PSMD11: variants seen among roughly 807,000 people sequenced by gnomAD.
PSMD11 encodes 26S proteasome non-ATPase regulatory subunit 11.
PSMD11 carries 5 observed loss-of-function variants against 62.3 expected under a neutral mutation model. The ratio of observed to expected loss-of-function variants is 0.08; its 90% CI spans 0.04 to 0.17. The LOEUF (loss-of-function observed/expected upper bound fraction) is 0.17. Among genes scored for constraint, PSMD11 ranks in the 10% least tolerant of loss-of-function variants. The pLI is 1.00. For missense variants in PSMD11, 310 were observed against 512.9 expected (o/e 0.60, Z 3.82); for synonymous variants, 191 against 191.8 (o/e 1.00, Z 0.03).
At chr17:32,450,513 C>T (rs1164238835) in intron 2 of PSMD11, among the ~76,000 whole-genome samples, 2 of 151,548 alleles carry the variant, frequency 1.3e-5, no homozygotes, top group Non-Finnish European at 2.9e-5. Context: ...GTGATCCACC[C>T]GCCTTGGCCT....
chr17:32,476,150 C>G (rs1337691177), intron 8 of PSMD11, among the ~76,000 whole-genome samples: 1 of 151,998 alleles, frequency 6.6e-6, no homozygotes, highest in African/African-American at 2.4e-5. Context: ...TGGCTGTAAT[C>G]CCAGCTACTC....
At chr17:32,447,712 T>G (rs2150827759) in intron 2 of PSMD11, among the ~76,000 whole-genome samples, 1 of 152,214 alleles carries the variant, frequency 6.6e-6, no homozygotes. Context: ...CTTAAATGGG[T>G]GATTTTTGTC....
intron 3 of PSMD11, among the ~76,000 whole-genome samples, chr17:32,457,320 C>A (rs1227488884): frequency 6.6e-6 from 1 of 152,136 alleles, no homozygotes; most frequent in Non-Finnish European, 1.5e-5. Context: ...TCACTGCAGC[C>A]TCAACCTCCT....
chr17:32,475,096 T>C (rs1210793307), intron 8 of PSMD11, among the ~76,000 whole-genome samples: 1 of 152,212 alleles, frequency 6.6e-6, no homozygotes, highest in Non-Finnish European at 1.5e-5. Context: ...AGTTTGCATT[T>C]GGCTTTGACC....
chr17:32,482,045 T>G lies in PSMD11; in HGVS notation c.*1293T>G, dbSNP rs1464873114. 6.6e-6 allele frequency: 1 copy of G among 152,116 alleles called. No individual in the cohort carries two copies. The highest frequency in any genetic ancestry group is 1.5e-5 in the Non-Finnish European group (1 of 68,026). The allele number at this position is 152,116 out of a possible 1,614,324, so 9.4% of individuals were successfully genotyped here. ...TCTTCTCTCATCTCCTCTTTGTCTTTTTCTCTTTTCCTCTCCTTCCTGCCT... is the reference window on the plus strand; with the variant it reads ...TCTTCTCTCATCTCCTCTTTGTCTTGTTCTCTTTTCCTCTCCTTCCTGCCT... On this transcript the variant is annotated 3_prime_UTR_variant, in exon 14 of 14. Coordinates refer to ENST00000261712, the MANE Select transcript of PSMD11 (RefSeq NM_002815.4).
chr17:32,457,975 A>G (rs1907700143), intron 3 of PSMD11, among the ~76,000 whole-genome samples: 1 of 151,666 alleles, frequency 6.6e-6, no homozygotes, highest in South Asian at 2.1e-4. Context: ...TAATTTTTGT[A>G]TTTTTAGTAG....
At chr17:32,479,144 T>C (rs2150840773) in intron 9 of PSMD11, 107 bp from the exon 10 acceptor site, 1 of 1,412,732 alleles carries the variant, frequency 7.1e-7, no homozygotes, top group Non-Finnish European at 9.6e-7. Context: ...CCTAACTTCA[T>C]TCAACCATGT....
chr17:32,459,968 A>ACAAGCAATAGAC (rs1405962955), intron 3 of PSMD11, among the ~76,000 whole-genome samples: 1 of 152,016 alleles, frequency 6.6e-6, no homozygotes, highest in Non-Finnish European at 1.5e-5. Flanking sequence ...GGGTGTTGGG[A>ACAAGCAATAGAC]AAGAATAGAC....
Position 32,454,513 on chromosome 17 carries a change from A to G in PSMD11, c.212A>G (p.Lys71Arg). ...CCTACAGAGCTTGGAGGACTCCTGA[A>G]GTATGTACGACCCTTCTTGAATTCC... ...GQAAELGGLL[K>R]YVRPFLNSIS... Residue 71 changes from lysine to arginine, a missense_variant, in exon 3 of 14, where the codon AAG becomes AGG. Physicochemically the swap from Lys to Arg is conservative, Grantham distance 26 (BLOSUM62 2). This residue lies in a region of PSMD11 where 50 missense variants were observed against 94.4 expected (regional missense o/e 0.53). Transcript: ENST00000261712. 1.2e-6 allele frequency: 2 copies of G among 1,613,884 alleles called. No individual in the cohort carries two copies. Among genetic ancestry groups the G allele is most frequent in the Non-Finnish European group, 1.7e-6 (2 of 1,179,840 alleles).
chr17:32,474,079 A>G lies in PSMD11; in HGVS notation c.788+134A>G, dbSNP rs2150838706. 3 of 1,079,872 alleles carry G rather than the reference A, an allele frequency of 2.8e-6. No homozygotes were observed. The East Asian group carries it at 7.2e-5, about 26-fold the overall frequency. The allele number at this position is 1,079,872 out of a possible 1,614,324, so 66.9% of individuals were successfully genotyped here. ...GCAGCTGCGGCCTCTAGGGCTGGCT[A>G]AGGTAGAGCGGGAGGATCAAAAGTG... On this transcript the variant is annotated intron_variant, in intron 7 of 13. Transcript: ENST00000261712.
At chr17:32,463,393 A>C (rs1422080201) in intron 3 of PSMD11, 1 of 152,124 alleles carries the variant, frequency 6.6e-6, no homozygotes, top group East Asian at 1.9e-4. Context: ...GTCAAAGTGC[A>C]GTAGTGAGAA....
intron 3 of PSMD11, among the ~76,000 whole-genome samples, chr17:32,460,712 G>T (rs956592804): frequency 2.0e-5 from 3 of 150,382 alleles, no homozygotes; most frequent in African/African-American, 7.3e-5. Context: ...GGCGGAGCTT[G>T]CAGTGAGCGC....
In PSMD11 at chr17:32,469,148, A is replaced by G. The variant is rs771337703; in HGVS notation, c.598A>G (p.Ile200Val). Residue 200 changes from isoleucine to valine, a missense_variant, in exon 6 of 14, where the codon ATC becomes GTC. By Grantham distance (29) the Ile-to-Val change is conservative (BLOSUM62 3). This residue lies in a region of PSMD11 where 47 missense variants were observed against 117.7 expected (regional missense o/e 0.40). Coordinates refer to ENST00000261712, the MANE Select transcript of PSMD11 (RefSeq NM_002815.4). The stretch of plus-strand genomic sequence containing the variant: ...TTCTGCTCGAACCACAGCAAATGCC[A>G]TCTACTGCCCCCCTAAATTGCAGGC... ...LTSARTTANA[I>V]YCPPKLQATL... 2.5e-6 allele frequency: 4 copies of G among 1,614,024 alleles called. No individual in the cohort carries two copies. The African/African-American group carries it at 5.3e-5, about 22-fold the overall frequency.
chr17:32,479,985 T>A, intron 11 of PSMD11, 99 bp downstream of exon 11: 1 of 1,497,118 alleles, frequency 6.7e-7, no homozygotes, highest in Non-Finnish European at 9.3e-7. Context: ...GCTCCCCAGC[T>A]TCTCAGTGGG....
At chr17:32,466,417 A>T (rs1164329581) in intron 5 of PSMD11, among the ~76,000 whole-genome samples, 2 of 152,202 alleles carry the variant, frequency 1.3e-5, no homozygotes, top group African/African-American at 4.8e-5. Flanking sequence ...AAATGAAATG[A>T]TACAATATTT....
At chr17:32,463,143 C>T (rs1845664803) in intron 3 of PSMD11, among the ~76,000 whole-genome samples, 1 of 152,176 alleles carries the variant, frequency 6.6e-6, no homozygotes, top group Non-Finnish European at 1.5e-5. Context: ...GATAGAAGAT[C>T]TTCAGTACTT....
At chr17:32,470,951 A>G (rs1908147333) in intron 6 of PSMD11, among the ~76,000 whole-genome samples, 1 of 152,218 alleles carries the variant, frequency 6.6e-6, no homozygotes, top group Admixed American at 6.5e-5. Context: ...AGTAGGCTGG[A>G]AGGACGCATC....
Position 32,464,051 on chromosome 17 carries a change from C to A in PSMD11, c.321C>A (p.Val107=), listed in dbSNP as rs143910284. The change falls in exon 4 of 14, where the codon GTC becomes GTA. Residue 107 remains valine (V), a splice_region_variant and synonymous_variant. Coordinates refer to ENST00000261712, the MANE Select transcript of PSMD11 (RefSeq NM_002815.4). ...LDMEAATGQE[V]ELCLECIEWA... The stretch of plus-strand genomic sequence containing the variant: ...TGTACTGTCTCTCCTTATTGCAGGT[C>A]GAGCTGTGTTTAGAGTGCATCGAAT... 2.8e-5 allele frequency: 45 copies of A among 1,613,788 alleles called. No individual in the cohort carries two copies. In the South Asian group the frequency reaches 4.6e-4, roughly 17 times the overall value.
chr17:32,464,370 C>T, intron 4 of PSMD11, 151 bp from the exon 5 acceptor site: 1 of 721,774 alleles, frequency 1.4e-6, no homozygotes, highest in Non-Finnish European at 2.3e-6. Context: ...TAATAGGAGA[C>T]AATACATTGG....
Sources: allele counts gnomAD v4.1 joint callset (sites outside exome capture counted in the v4.1 genomes callset), GRCh38; gene constraint gnomAD v4.1.1; regional missense constraint gnomAD v4.1.1; transcripts MANE v1.5; gene names NCBI Gene and HGNC (gene_info 2026-07-23, HGNC 2026-07-21).